TACR1: variants seen among roughly 807,000 people sequenced by gnomAD.
TACR1 encodes the protein tachykinin receptor 1.
TACR1 carries 25 observed loss-of-function variants against 35.8 expected under a neutral mutation model. The observed-to-expected ratio is 0.70, with a 90% CI of 0.51 to 0.98. The LOEUF is 0.98. Ranked by LOEUF, TACR1 falls within the 50% of genes least tolerant of loss-of-function variation. TACR1 has a pLI of 0.00. For synonymous variants in TACR1, 195 were observed against 206.7 expected, an observed-to-expected ratio of 0.94 and a Z score of 0.48; for missense variants, 478 against 522.9, an observed-to-expected ratio of 0.91 and a Z score of 0.84.
intron 1 of TACR1, among the ~76,000 whole-genome samples, chr2:75,184,440 TA>T (rs1034295985): frequency 6.6e-6 from 1 of 151,560 alleles, no homozygotes; most frequent in Non-Finnish European, 1.5e-5. Context: ...AAAGATCTAA[TA>T]AAAAAAGTAA....
chr2:75,196,714 G>A (rs1265692187), intron 1 of TACR1, among the ~76,000 whole-genome samples: 3 of 152,180 alleles, frequency 2.0e-5, no homozygotes, highest in South Asian at 2.1e-4. Flanking sequence ...ACATGTTTCT[G>A]TGTAAGCCAA....
At chr2:75,177,641 T>C (rs1391798848) in intron 1 of TACR1, among the ~76,000 whole-genome samples, 1 of 152,160 alleles carries the variant, frequency 6.6e-6, no homozygotes, top group Non-Finnish European at 1.5e-5. Flanking sequence ...TGCTTCTTTG[T>C]TTACCTCACT....
intron 1 of TACR1, among the ~76,000 whole-genome samples, chr2:75,170,233 T>C (rs997753691): frequency 1.3e-5 from 2 of 152,198 alleles, no homozygotes; most frequent in Non-Finnish European, 2.9e-5. Flanking sequence ...GTTCTTGTGA[T>C]AGTGAATAAG....
intron 2 of TACR1, among the ~76,000 whole-genome samples, chr2:75,084,478 T>A (rs374500565): frequency 0.018 from 2,791 of 152,270 alleles, 79 homozygotes; most frequent in African/African-American, 0.061. Context: ...TTTTCTATTG[T>A]TTGGAATAGT....
chr2:75,066,596 T>C (rs979937102), intron 2 of TACR1, among the ~76,000 whole-genome samples: 1 of 152,236 alleles, frequency 6.6e-6, no homozygotes, highest in African/African-American at 2.4e-5. Context: ...TTTGGATTCA[T>C]TCTTGTATTT....
intron 1 of TACR1, among the ~76,000 whole-genome samples, chr2:75,195,202 G>A (rs1284187486): frequency 6.6e-6 from 1 of 152,152 alleles, no homozygotes. Context: ...CCTGGTATTT[G>A]TTGGAGTTTA....
rs760901676 is a variant in TACR1 at position 75,048,026 on chromosome 2, A to T, written c.*1406T>A. 4 of 152,246 alleles carry T rather than the reference A, an allele frequency of 2.6e-5. No homozygotes were observed. The highest frequency in any genetic ancestry group is 5.9e-5 in the Non-Finnish European group (4 of 68,042). 9.4% of individuals were successfully genotyped at this position (152,246 alleles called of 1,614,324 possible). Reference sequence around the variant, plus strand: ...TCACCTTCTGGAAACTCTAAATCTAAATTAGGATATAAAGCATTCAGTTCA... The same window carrying T: ...TCACCTTCTGGAAACTCTAAATCTATATTAGGATATAAAGCATTCAGTTCA... On this transcript the variant is annotated 3_prime_UTR_variant, in exon 5 of 5. Transcript: ENST00000305249.
chr2:75,084,809 C>G (rs1454332862), intron 2 of TACR1, among the ~76,000 whole-genome samples: 1 of 152,036 alleles, frequency 6.6e-6, no homozygotes, highest in African/African-American at 2.4e-5. Context: ...CTATTTGATT[C>G]TTCTCTCTTT....
intron 2 of TACR1, among the ~76,000 whole-genome samples, chr2:75,090,562 A>T (rs1346269077): frequency 6.6e-6 from 1 of 152,164 alleles, no homozygotes; most frequent in Admixed American, 6.5e-5. Flanking sequence ...TCAAGCAAAA[A>T]ATGTTTAAAT....
chr2:75,135,804 C>T (rs1674275897), intron 1 of TACR1, among the ~76,000 whole-genome samples: 1 of 152,072 alleles, frequency 6.6e-6, no homozygotes. Context: ...TGGGCCTCCT[C>T]CAGAGTTTGC....
In TACR1 at chr2:75,049,495, A is replaced by C. The variant is rs770352107; in HGVS notation, c.1161T>G (p.Ser387=). The part of the protein sequence containing the change: ...PSSLDLTSNC[S]SRSDSKTMTE... ...TCATGGTCTTGGAGTCACTTCGTGA[A>C]GAGCAGTTGGAGGTCAGGTCCAGGG... The change falls in exon 5 of 5, where the codon TCT becomes TCG. Residue 387 remains serine, a synonymous_variant. Transcript: ENST00000305249. 11 of 1,614,112 alleles carry C rather than the reference A, an allele frequency of 6.8e-6. No homozygotes were observed. The African/African-American group carries it at 1.3e-4, about 20-fold the overall frequency.
At chr2:75,062,110 G>T (rs1672683746) in intron 2 of TACR1, among the ~76,000 whole-genome samples, 1 of 152,048 alleles carries the variant, frequency 6.6e-6, no homozygotes, top group East Asian at 1.9e-4. Context: ...CCCTCATCCA[G>T]CAAGAAGCCC....
chr2:75,131,711 G>A (rs1978363), intron 1 of TACR1, among the ~76,000 whole-genome samples: 1 of 151,960 alleles, frequency 6.6e-6, no homozygotes, highest in African/African-American at 2.4e-5. Context: ...ATACAGTAAC[G>A]GAACTAATTT....
chr2:75,149,506 G>A (rs1249502800), intron 1 of TACR1, among the ~76,000 whole-genome samples: 1 of 152,104 alleles, frequency 6.6e-6, no homozygotes, highest in Non-Finnish European at 1.5e-5. Flanking sequence ...TAGCAATTGT[G>A]AATGGGAGTT....
chr2:75,085,272 C>G (rs1198095256), intron 2 of TACR1, among the ~76,000 whole-genome samples: 1 of 152,092 alleles, frequency 6.6e-6, no homozygotes, highest in African/African-American at 2.4e-5. Flanking sequence ...CCCCAATTTT[C>G]CAGCCCCTTA....
chr2:75,102,163 G>A (rs890303043), intron 2 of TACR1, among the ~76,000 whole-genome samples: 1 of 152,080 alleles, frequency 6.6e-6, no homozygotes, highest in African/African-American at 2.4e-5. Context: ...AGTTACCTCT[G>A]TCATCCTGGT....
chr2:75,169,042 A>G (rs779200961), intron 1 of TACR1, among the ~76,000 whole-genome samples: 3 of 152,180 alleles, frequency 2.0e-5, no homozygotes, highest in Non-Finnish European at 2.9e-5. Context: ...CAATCGCTTT[A>G]TTTCTTAAGG....
chr2:75,131,516 T>A (rs934481316), intron 1 of TACR1, among the ~76,000 whole-genome samples: 2 of 152,194 alleles, frequency 1.3e-5, no homozygotes, highest in African/African-American at 4.8e-5. Flanking sequence ...TTAATTTGTT[T>A]TGGTACTAAT....
intron 2 of TACR1, among the ~76,000 whole-genome samples, chr2:75,100,126 T>C (rs1673507794): frequency 6.6e-6 from 1 of 151,922 alleles, no homozygotes. Context: ...CATGCTGAGT[T>C]TTTTCAGAGA....
Sources: allele counts gnomAD v4.1 joint callset (sites outside exome capture counted in the v4.1 genomes callset), GRCh38; gene constraint gnomAD v4.1.1; transcripts MANE v1.5; gene names NCBI Gene and HGNC (gene_info 2026-07-23, HGNC 2026-07-21).